RPS6KA2: variants seen among roughly 807,000 people sequenced by gnomAD.
RPS6KA2 encodes ribosomal protein S6 kinase alpha-2.
RPS6KA2 carries 42 observed loss-of-function variants against 91.8 expected under a neutral mutation model. The observed-to-expected ratio is 0.46, with a 90% CI of 0.36 to 0.59. RPS6KA2 has a LOEUF of 0.59. Among genes scored for constraint, RPS6KA2 ranks in the 20% least tolerant of loss-of-function variants. RPS6KA2 has a pLI of 0.00. For synonymous variants in RPS6KA2, 414 were observed against 393.6 expected (o/e 1.05, Z -0.61); for missense variants, 798 against 978.5 (o/e 0.82, Z 2.46).
rs1286464992 is a variant in RPS6KA2 at position 166,767,594 on chromosome 6, G to C, written c.123+90606C>G. On this transcript the variant is annotated intron_variant, in intron 2 of 21. Transcript: ENST00000503859. The surrounding 1 kb of genome is among the most constrained non-coding windows in gnomAD (Gnocchi z 4.6). ...AGGGACCCAGGAAGGGTGAACATTC[G>C]GCCAGAATGTGTTGAGCGTCCACAA... 6.6e-6 allele frequency among the ~76,000 whole-genome samples: 1 copy of C among 152,130 alleles called. No individual in the cohort carries two copies. Among genetic ancestry groups the C allele is most frequent in the Non-Finnish European group, 1.5e-5 (1 of 68,034 alleles).
chr6:166,483,568 AG>A (rs1278161248), intron 10 of RPS6KA2, among the ~76,000 whole-genome samples: 10 of 152,290 alleles, frequency 6.6e-5, no homozygotes, highest in Non-Finnish European at 1.0e-4. Context: ...GTGCTAACGA[AG>A]AATGAGAAGA....
rs1004983661 is a variant in RPS6KA2, at chr6:166,626,711, C to T, written c.99+210G>A. Reference sequence around the variant, plus strand: ...AATGCAGTGGGGGTGGAGTTGCCCCCGCGAGGACCCACGGACCGCCCAATT... The same window carrying T: ...AATGCAGTGGGGGTGGAGTTGCCCCTGCGAGGACCCACGGACCGCCCAATT... On this transcript the variant is annotated intron_variant, in intron 1 of 20. Transcript: ENST00000265678. This position sits in a 1 kb window ranked among gnomAD's most constrained non-coding sequence, Gnocchi z 4.1. 6.6e-6 allele frequency among the ~76,000 whole-genome samples: 1 copy of T among 152,210 alleles called. No individual in the cohort carries two copies. Among genetic ancestry groups the T allele is most frequent in the African/African-American group, 2.4e-5 (1 of 41,464 alleles).
chr6:166,621,447 T>C (rs1250253162), intron 1 of RPS6KA2, among the ~76,000 whole-genome samples: 2 of 152,244 alleles, frequency 1.3e-5, no homozygotes, highest in African/African-American at 2.4e-5. Context: ...GTCTGATCCA[T>C]TTGCTTGATT....
At chr6:166,545,848 C>T (rs1783808346) in intron 1 of RPS6KA2, among the ~76,000 whole-genome samples, 2 of 152,194 alleles carry the variant, frequency 1.3e-5, no homozygotes. Flanking sequence ...CGGTGACTGA[C>T]AGATGGAGCG....
At chr6:166,505,810 T>C (rs138490480) in intron 5 of RPS6KA2, among the ~76,000 whole-genome samples, 2 of 152,350 alleles carry the variant, frequency 1.3e-5, no homozygotes, top group East Asian at 3.9e-4. Context: ...GATGTATGTT[T>C]CTTTTCTAGA....
intron 2 of RPS6KA2, among the ~76,000 whole-genome samples, chr6:166,750,224 C>T (rs1181651969): frequency 6.6e-6 from 1 of 152,208 alleles, no homozygotes; most frequent in African/African-American, 2.4e-5. Flanking sequence ...CCCTGCAGTG[C>T]TGCAGAGACA....
chr6:166,671,838 A>G (rs544109386), intron 2 of RPS6KA2, among the ~76,000 whole-genome samples: 89 of 152,274 alleles, frequency 5.8e-4, no homozygotes, highest in Non-Finnish European at 1.1e-3. Flanking sequence ...ATCTCAGAGC[A>G]TCTCACACCA....
chr6:166,609,651 C>T (rs941688370), intron 1 of RPS6KA2, among the ~76,000 whole-genome samples: 1 of 151,976 alleles, frequency 6.6e-6, no homozygotes, highest in African/African-American at 2.4e-5. Context: ...AGGCGCATGC[C>T]ACCACTCCCA....
intron 2 of RPS6KA2, among the ~76,000 whole-genome samples, chr6:166,700,039 C>T (rs1789464520): frequency 1.3e-5 from 2 of 152,232 alleles, no homozygotes; most frequent in Non-Finnish European, 1.5e-5. Context: ...CTAAAGCTTG[C>T]TTTTTGCCAA....
At chr6:166,702,887 A>T in intron 2 of RPS6KA2, 1 of 789,258 alleles carries the variant, frequency 1.3e-6, no homozygotes, top group Non-Finnish European at 2.1e-6. Context: ...AACGAAAATT[A>T]AAACCACCCA....
Position 166,490,651 on chromosome 6 carries a change from G to C in RPS6KA2, c.818+20C>G. On this transcript the variant is annotated intron_variant, in intron 9 of 20. Coordinates refer to ENST00000265678, the MANE Select transcript of RPS6KA2 (RefSeq NM_021135.6). This position sits in a 1 kb window ranked among gnomAD's most constrained non-coding sequence, Gnocchi z 4.2. ...CAGAAGGTGCTCGCAGGTCTCTGGG[G>C]TGGCTCCCACACTACTCACTTGAGG... 6.3e-7 allele frequency: 1 copy of C among 1,581,016 alleles called. No individual in the cohort carries two copies.
chr6:166,778,525 G>A (rs1286043182), intron 2 of RPS6KA2, among the ~76,000 whole-genome samples: 1 of 152,132 alleles, frequency 6.6e-6, no homozygotes, highest in African/African-American at 2.4e-5. Flanking sequence ...CAGCACTTTC[G>A]GAGGCCGAGA....
chr6:166,564,657 T>C (rs1174194287), intron 1 of RPS6KA2, among the ~76,000 whole-genome samples: 1 of 152,226 alleles, frequency 6.6e-6, no homozygotes, highest in Non-Finnish European at 1.5e-5. Flanking sequence ...TGACTATTTC[T>C]GTTGTAGGAG....
intron 6 of RPS6KA2, among the ~76,000 whole-genome samples, chr6:166,501,503 C>A (rs896925763): frequency 1.1e-4 from 17 of 152,240 alleles, no homozygotes; most frequent in Non-Finnish European, 1.9e-4. Flanking sequence ...CGGCTTGGCA[C>A]CCCTGCGGGC....
chr6:166,478,194 C>T (rs765033390), intron 10 of RPS6KA2, among the ~76,000 whole-genome samples: 2 of 152,146 alleles, frequency 1.3e-5, no homozygotes, highest in Non-Finnish European at 2.9e-5. Context: ...GAGGTGGGGT[C>T]GCGGTGCCTG....
At chr6:166,734,543 G>A (rs1280966679) in intron 2 of RPS6KA2, among the ~76,000 whole-genome samples, 2 of 152,078 alleles carry the variant, frequency 1.3e-5, no homozygotes, top group African/African-American at 4.8e-5. Context: ...GGAGGTTCCC[G>A]GCAATCATTT....
In RPS6KA2 at chr6:166,706,473, T is replaced by C. The variant is rs575642432; in HGVS notation, c.123+151727A>G. 5.4e-4 allele frequency among the ~76,000 whole-genome samples: 82 copies of C among 152,050 alleles called. 1 individual carries two copies. In the South Asian group the frequency reaches 0.017, roughly 31 times the overall value. ...TGTAAAGGCGTCATACAACCAAGAG[T>C]TGGTGAGCGTGGGAAGGAAGATCTG... On this transcript the variant is annotated intron_variant, in intron 2 of 21. Coordinates refer to the RPS6KA2 transcript ENST00000503859.
intron 3 of RPS6KA2, among the ~76,000 whole-genome samples, chr6:166,524,552 T>C (rs1361787387): frequency 2.0e-5 from 3 of 152,214 alleles, no homozygotes; most frequent in Non-Finnish European, 4.4e-5. Flanking sequence ...CCAGGTGGCA[T>C]CTAACTTCCT....
intron 2 of RPS6KA2, among the ~76,000 whole-genome samples, chr6:166,775,904 G>A (rs916825311): frequency 1.3e-5 from 2 of 152,200 alleles, no homozygotes; most frequent in African/African-American, 2.4e-5. Flanking sequence ...TAATGTCCTC[G>A]CGATGGAGGA....
Sources: allele counts gnomAD v4.1 joint callset (sites outside exome capture counted in the v4.1 genomes callset), GRCh38; gene constraint gnomAD v4.1.1; non-coding constraint Gnocchi (gnomAD v3.1); transcripts MANE v1.5; gene names NCBI Gene and HGNC (gene_info 2026-07-23, HGNC 2026-07-21).